Variants in PRKCE observed in about 807,000 individuals in gnomAD.
The protein encoded by PRKCE is protein kinase C epsilon type.
Under a neutral mutation model 85.4 loss-of-function variants are expected in PRKCE, and 16 were observed. The observed-to-expected ratio is 0.19, with a 90% confidence interval of 0.13 to 0.28. PRKCE has a LOEUF of 0.28. Ranked by LOEUF, PRKCE falls within the 10% of genes least tolerant of loss-of-function variation. PRKCE has a pLI of 1.00. For synonymous variants in PRKCE, 388 were observed against 371.5 expected, an observed-to-expected ratio of 1.04 and a Z score of -0.51; for missense variants, 573 against 975.2, an observed-to-expected ratio of 0.59 and a Z score of 5.49.
rs534438224 is a variant in PRKCE at position 45,795,762 on chromosome 2, G to A, written c.349-47238G>A. On this transcript the variant is annotated intron_variant, in intron 1 of 14. Coordinates refer to ENST00000306156, the MANE Select transcript of PRKCE (RefSeq NM_005400.3). ...GGTGCTTCCTGGGATTGGCCACTAT[G>A]TTCTTTGCCCCTTCTCATGTCACTG... is the stretch of plus-strand genomic sequence containing the variant. Among the ~76,000 whole-genome samples, 80 of 152,296 alleles carry A rather than the reference G, an allele frequency of 5.3e-4. 1 individual carries two copies. In the South Asian group the frequency reaches 0.015, roughly 29 times the overall value.
chr2:45,814,898 G>C (rs139230108), intron 1 of PRKCE, among the ~76,000 whole-genome samples: 1 of 152,168 alleles, frequency 6.6e-6, no homozygotes, highest in Non-Finnish European at 1.5e-5. Flanking sequence ...AGGGTCCCGT[G>C]CTTTGGAGGC....
chr2:46,122,590 G>A (rs570310589), intron 11 of PRKCE, among the ~76,000 whole-genome samples: 6 of 152,134 alleles, frequency 3.9e-5, no homozygotes, highest in Non-Finnish European at 7.3e-5. Context: ...CTCACTGGGC[G>A]AGGTTACATC....
At chr2:46,062,754 A>T (rs1473024216) in intron 10 of PRKCE, among the ~76,000 whole-genome samples, 5 of 137,708 alleles carry the variant, frequency 3.6e-5, no homozygotes, top group African/African-American at 8.5e-5. Flanking sequence ...GCTCACTGCA[A>T]CCTCCGCCTC....
intron 1 of PRKCE, among the ~76,000 whole-genome samples, chr2:45,741,379 A>G (rs1384281927): frequency 6.6e-6 from 1 of 152,234 alleles, no homozygotes; most frequent in Non-Finnish European, 1.5e-5. Context: ...TTAAAGTTGC[A>G]TAAAACACCC....
At chr2:45,651,290 C>T (rs1675108606), upstream of PRKCE, 2 of 149,958 alleles carry the variant, frequency 1.3e-5, no homozygotes, top group Admixed American at 6.6e-5. Flanking sequence ...CAGTCCCTGC[C>T]CCGCCGCCGC....
chr2:46,124,248 C>T (rs747131951), intron 11 of PRKCE, among the ~76,000 whole-genome samples: 5 of 152,102 alleles, frequency 3.3e-5, no homozygotes, highest in Admixed American at 6.5e-5. Context: ...TCACTTGAAC[C>T]CAGGAGGTGT....
At chr2:45,874,246 C>T (rs1255824745) in intron 2 of PRKCE, among the ~76,000 whole-genome samples, 1 of 152,250 alleles carries the variant, frequency 6.6e-6, no homozygotes, top group Non-Finnish European at 1.5e-5. Flanking sequence ...TTCCTCCCTT[C>T]ATGGCCTTGT....
intron 1 of PRKCE, among the ~76,000 whole-genome samples, chr2:45,791,016 A>T (rs1322191940): frequency 1.3e-5 from 2 of 152,234 alleles, no homozygotes; most frequent in African/African-American, 2.4e-5. Flanking sequence ...GGAACAGAGC[A>T]GGCATGTGTT....
intron 1 of PRKCE, among the ~76,000 whole-genome samples, chr2:45,782,204 C>T (rs1239914121): frequency 6.6e-6 from 1 of 152,296 alleles, no homozygotes; most frequent in East Asian, 1.9e-4. Context: ...CAGTGCTTTA[C>T]CAAGCCTCCT....
At chr2:45,709,509 T>G (rs927237111) in intron 1 of PRKCE, among the ~76,000 whole-genome samples, 8 of 152,232 alleles carry the variant, frequency 5.3e-5, no homozygotes, top group African/African-American at 1.9e-4. Context: ...TCTATGAATG[T>G]GAATTTTGAA....
At chr2:45,709,198 C>CTTGGTGGCAGG (rs1679388252) in intron 1 of PRKCE, among the ~76,000 whole-genome samples, 1 of 152,210 alleles carries the variant, frequency 6.6e-6, no homozygotes, top group Non-Finnish European at 1.5e-5. Flanking sequence ...CCTACCAGAG[C>CTTGGTGGCAGG]TTGGTGGCAG....
intron 11 of PRKCE, among the ~76,000 whole-genome samples, chr2:46,093,473 T>C (rs1670379122): frequency 6.6e-6 from 1 of 151,822 alleles, no homozygotes; most frequent in Admixed American, 6.6e-5. Context: ...AACTCGCAGC[T>C]GGGTCTTTTG....
At chr2:45,960,510 A>T (rs1260140918) in intron 2 of PRKCE, among the ~76,000 whole-genome samples, 1 of 152,098 alleles carries the variant, frequency 6.6e-6, no homozygotes, top group African/African-American at 2.4e-5. Context: ...GAAGCCCCCA[A>T]CCTAGATCCC....
At chr2:45,749,057 T>C (rs1357837244) in intron 1 of PRKCE, among the ~76,000 whole-genome samples, 1 of 152,062 alleles carries the variant, frequency 6.6e-6, no homozygotes, top group East Asian at 1.9e-4. Context: ...GCCCAGCTAA[T>C]TTTTGTATTT....
At chr2:45,808,465 C>CA (rs1200741565) in intron 1 of PRKCE, among the ~76,000 whole-genome samples, 1 of 152,212 alleles carries the variant, frequency 6.6e-6, no homozygotes, top group Non-Finnish European at 1.5e-5. Flanking sequence ...GGAGGAAACT[C>CA]AACAGGTGTT....
chr2:46,040,816 C>A (rs1456602448), intron 10 of PRKCE, among the ~76,000 whole-genome samples: 1 of 152,188 alleles, frequency 6.6e-6, no homozygotes, highest in Non-Finnish European at 1.5e-5. Context: ...GATTTCATCT[C>A]CCTCCCTTTC....
chr2:46,153,636 TC>T (rs1676862891), intron 13 of PRKCE, among the ~76,000 whole-genome samples: 1 of 152,098 alleles, frequency 6.6e-6, no homozygotes, highest in Non-Finnish European at 1.5e-5. Flanking sequence ...CTAGAAAACA[TC>T]TGCCAGGGTG....
chr2:45,815,408 C>T (rs1049974201), intron 1 of PRKCE, among the ~76,000 whole-genome samples: 9 of 152,264 alleles, frequency 5.9e-5, no homozygotes, highest in Non-Finnish European at 1.3e-4. Flanking sequence ...TCCCAGACTG[C>T]CCCAGCCTAC....
At chr2:46,007,356 A>G (rs1705293857) in intron 8 of PRKCE, 106 bp from the exon 9 acceptor site, 2 of 1,124,892 alleles carry the variant, frequency 1.8e-6, no homozygotes, top group Admixed American at 2.0e-5. Flanking sequence ...GTGAAGAACC[A>G]GAAAGAGGAC....
Sources: allele counts gnomAD v4.1 joint callset (sites outside exome capture counted in the v4.1 genomes callset), GRCh38; gene constraint gnomAD v4.1.1; transcripts MANE v1.5; gene names NCBI Gene and HGNC (gene_info 2026-07-23, HGNC 2026-07-21).